NELL1: variants seen among roughly 807,000 people sequenced by gnomAD.
NELL1 encodes the protein neural EGFL like 1.
Under a neutral mutation model 107.4 loss-of-function variants are expected in NELL1, and 76 were observed. The ratio of observed to expected loss-of-function variants is 0.71; its 90% confidence interval spans 0.59 to 0.86. NELL1 has a LOEUF of 0.86. Among genes scored for constraint, NELL1 ranks in the 40% least tolerant of loss-of-function variants. The pLI, the probability that NELL1 is intolerant of heterozygous loss-of-function variation, is 0.00. For missense variants in NELL1, 1,024 were observed against 1,005.5 expected, an observed-to-expected ratio of 1.02 and a Z score of -0.25; for synonymous variants, 353 against 341.2, an observed-to-expected ratio of 1.03 and a Z score of -0.38.
chr11:21,572,350 C>T (rs1564967591), intron 18 of NELL1, among the ~76,000 whole-genome samples: 1 of 151,814 alleles, frequency 6.6e-6, no homozygotes, highest in Non-Finnish European at 1.5e-5. Flanking sequence ...GTGGGTCATA[C>T]TTAATAAATA....
intron 15 of NELL1, among the ~76,000 whole-genome samples, chr11:21,460,994 TA>T (rs563958760): frequency 3.6e-4 from 55 of 152,124 alleles, no homozygotes; most frequent in Non-Finnish European, 2.4e-4. Flanking sequence ...ATTTACTGAA[TA>T]AATTTACTAG....
chr11:20,721,018 T>TCAGGTA (rs1855368813), intron 2 of NELL1, among the ~76,000 whole-genome samples: 1 of 151,958 alleles, frequency 6.6e-6, no homozygotes, highest in African/African-American at 2.4e-5. Context: ...TCCAAGCTCA[T>TCAGGTA]CAGGTACATT....
At chr11:21,141,867 A>G (rs1855876965) in intron 13 of NELL1, among the ~76,000 whole-genome samples, 2 of 151,950 alleles carry the variant, frequency 1.3e-5, no homozygotes, top group African/African-American at 4.8e-5. Context: ...GGGTTCAAGC[A>G]ATTCTCCTTC....
intron 2 of NELL1, among the ~76,000 whole-genome samples, chr11:20,783,389 A>G (rs1856889166): frequency 6.6e-6 from 1 of 152,190 alleles, no homozygotes; most frequent in African/African-American, 2.4e-5. Context: ...CCAATTGGGA[A>G]CTTGTCAAAG....
intron 15 of NELL1, among the ~76,000 whole-genome samples, chr11:21,376,723 A>T (rs1425928532): frequency 2.0e-5 from 3 of 151,876 alleles, no homozygotes; most frequent in South Asian, 4.1e-4. Context: ...TCTATGATTT[A>T]TTATAGCAGT....
intron 2 of NELL1, among the ~76,000 whole-genome samples, chr11:20,776,483 A>G (rs895428781): frequency 1.3e-4 from 20 of 151,818 alleles, no homozygotes; most frequent in Admixed American, 1.2e-3. Context: ...AATTTTATAT[A>G]TATATATCAC....
chr11:20,976,834 T>TCG, intron 12 of NELL1, among the ~76,000 whole-genome samples: 2 of 152,298 alleles, frequency 1.3e-5, no homozygotes, highest in South Asian at 4.1e-4. Context: ...ATTTATATTA[T>TCG]AAGTGGCAGG....
At chr11:21,501,197 C>A (rs1855132159) in intron 15 of NELL1, among the ~76,000 whole-genome samples, 1 of 152,128 alleles carries the variant, frequency 6.6e-6, no homozygotes. Flanking sequence ...AATTTTATTA[C>A]TGCTAAAGAT....
At chr11:21,272,808 T>C (rs1252439727) in intron 14 of NELL1, among the ~76,000 whole-genome samples, 2 of 152,176 alleles carry the variant, frequency 1.3e-5, no homozygotes, top group Non-Finnish European at 2.9e-5. Context: ...GGAGGGGACC[T>C]CCAGCAAACT....
At position 21,362,595 on chromosome 11, in the gene NELL1, T is replaced by G. The variant is rs538725877; in HGVS notation, c.1550-8258T>G. 4.7e-4 allele frequency among the ~76,000 whole-genome samples: 70 copies of G among 150,228 alleles called. 1 individual carries two copies. The highest frequency in any genetic ancestry group is 1.7e-3 in the African/African-American group (68 of 40,942). ...AGATCAGAGTTATTCTGTCCTGAAT[T>G]GCTATAATGGAGTTGGTTGGCCTCC... On this transcript the variant is annotated intron_variant, in intron 14 of 19. Transcript: ENST00000357134.
chr11:21,109,816 A>G (rs1455673157), intron 12 of NELL1, among the ~76,000 whole-genome samples: 1 of 152,116 alleles, frequency 6.6e-6, no homozygotes, highest in Non-Finnish European at 1.5e-5. Context: ...AGCTCTCTAA[A>G]GATGTTAATT....
At chr11:21,349,977 C>T (rs575220545) in intron 14 of NELL1, among the ~76,000 whole-genome samples, 3 of 152,124 alleles carry the variant, frequency 2.0e-5, no homozygotes, top group South Asian at 2.1e-4. Flanking sequence ...AAGACTTAGA[C>T]CTTTTACTTG....
At chr11:20,851,489 G>A (rs12269723) in intron 4 of NELL1, among the ~76,000 whole-genome samples, 4,584 of 152,130 alleles carry the variant, frequency 0.03, 85 homozygotes, top group Middle Eastern at 0.054. Flanking sequence ...TATATTAAGA[G>A]TTGGCAACAA....
At chr11:20,993,121 C>T (rs1010006593) in intron 12 of NELL1, among the ~76,000 whole-genome samples, 9 of 152,122 alleles carry the variant, frequency 5.9e-5, no homozygotes, top group Admixed American at 3.9e-4. Context: ...GCCTGGCAAA[C>T]TCTTACATGA....
intron 3 of NELL1, among the ~76,000 whole-genome samples, chr11:20,832,550 C>T (rs895100479): frequency 2.6e-5 from 4 of 152,054 alleles, no homozygotes; most frequent in African/African-American, 9.7e-5. Flanking sequence ...GAATGAATAC[C>T]TTAATGAACC....
chr11:20,956,490 C>CA (rs1355602518), intron 11 of NELL1, among the ~76,000 whole-genome samples: 1 of 151,114 alleles, frequency 6.6e-6, no homozygotes, highest in Non-Finnish European at 1.5e-5. Context: ...ACTAAAAATA[C>CA]AAAAAATTAG....
chr11:21,307,900 T>C (rs934786192), intron 14 of NELL1, among the ~76,000 whole-genome samples: 38 of 152,164 alleles, frequency 2.5e-4, no homozygotes, highest in Non-Finnish European at 3.1e-4. Flanking sequence ...TTTTTAAAAA[T>C]TATTGAGTAA....
chr11:21,161,612 G>A (rs115125007), intron 13 of NELL1, among the ~76,000 whole-genome samples: 1,655 of 152,226 alleles, frequency 0.011, 30 homozygotes, highest in African/African-American at 0.038. Flanking sequence ...AGACAGGACT[G>A]ACCAAATATA....
intron 12 of NELL1, among the ~76,000 whole-genome samples, chr11:21,039,728 C>T (rs1853182655): frequency 6.6e-6 from 1 of 151,958 alleles, no homozygotes; most frequent in Admixed American, 6.6e-5. Flanking sequence ...TTATTGAGTC[C>T]CCATTTAGGA....
Sources: gnomAD v4.1 joint callset for allele counts (sites outside exome capture counted in the v4.1 genomes callset) on GRCh38, gnomAD v4.1.1 for gene constraint, MANE v1.5 for transcripts, NCBI Gene and HGNC (gene_info 2026-07-23, HGNC 2026-07-21) for gene names.